The following EML6 variants were observed in gnomAD, a reference collection of about 807,000 sequenced individuals.
EML6 encodes echinoderm microtubule-associated protein-like 6.
In EML6, 154 loss-of-function variants were observed where a neutral mutation model predicts 240.1. The ratio of observed to expected loss-of-function variants is 0.64; its 90% CI spans 0.56 to 0.73. The LOEUF is 0.73. Ranked by LOEUF, EML6 falls within the 30% of genes least tolerant of loss-of-function variation. The pLI is 0.00. For synonymous variants in EML6, 1,148 were observed against 899.0 expected (o/e 1.28, Z -4.95); for missense variants, 2,964 against 2,474.6 (o/e 1.20, Z -4.20).
At chr2:54,780,615 A>G (rs2103848050) in intron 2 of EML6, among the ~76,000 whole-genome samples, 1 of 152,356 alleles carries the variant, frequency 6.6e-6, no homozygotes, top group East Asian at 1.9e-4. Context: ...ATACACCGTT[A>G]TTATGTTAAT....
chr2:54,932,115 C>G (rs763341131), intron 28 of EML6, among the ~76,000 whole-genome samples: 3 of 152,194 alleles, frequency 2.0e-5, no homozygotes, highest in Non-Finnish European at 4.4e-5. Context: ...TCTAATCTTT[C>G]AGAAAATGAG....
chr2:54,889,215 T>A (rs893146042), intron 17 of EML6, among the ~76,000 whole-genome samples: 15 of 152,172 alleles, frequency 9.9e-5, no homozygotes, highest in Admixed American at 3.9e-4. Context: ...ATTGTTTTAA[T>A]ACCTAGGAGA....
intron 5 of EML6, 34 bp from the exon 6 acceptor site, chr2:54,827,532 A>G (rs1163352369): frequency 1.6e-5 from 24 of 1,513,148 alleles, no homozygotes; most frequent in Non-Finnish European, 1.9e-5. Context: ...CGAATACTCT[A>G]TCTTGGAGAT....
intron 17 of EML6, among the ~76,000 whole-genome samples, chr2:54,883,209 G>T (rs1671933337): frequency 6.6e-6 from 1 of 152,062 alleles, no homozygotes; most frequent in Non-Finnish European, 1.5e-5. Flanking sequence ...ATCTTTTAGT[G>T]TGTATTTTTC....
chr2:54,899,698 G>T lies in EML6; in HGVS notation c.3040G>T (p.Ala1014Ser). The T allele has an allele frequency of 6.4e-7, 1 of 1,553,196 alleles. No homozygotes were observed. The highest frequency in any genetic ancestry group is 8.7e-7 in the Non-Finnish European group (1 of 1,147,824). ...LAAHPLLPIC[A>S]TVSDDKTLRI... ...AGCTCACCCTCTCCTGCCCATCTGT[G>T]CAACAGTGAGCGATGATAAAACACT... is the stretch of plus-strand genomic sequence containing the variant. The change falls in exon 22 of 42, where the codon GCA becomes TCA. Residue 1014 changes from alanine to serine, a missense_variant. Physicochemically the swap from Ala to Ser is moderately conservative, Grantham distance 99. Coordinates refer to ENST00000356458, the MANE Select transcript of EML6 (RefSeq NM_001039753.4).
chr2:54,789,450 C>G (rs1669286548), intron 2 of EML6, among the ~76,000 whole-genome samples: 2 of 126,562 alleles, frequency 1.6e-5, no homozygotes, highest in South Asian at 5.4e-4. Context: ...GGAGGCGGAG[C>G]TTGCAGTGAG....
At chr2:54,762,252 A>G (rs1434067599) in intron 2 of EML6, among the ~76,000 whole-genome samples, 1 of 151,892 alleles carries the variant, frequency 6.6e-6, no homozygotes, top group Non-Finnish European at 1.5e-5. Flanking sequence ...ATGTTTCCTC[A>G]TGATCAGCTT....
chr2:54,861,153 T>A (rs1262539131), intron 12 of EML6, among the ~76,000 whole-genome samples: 1 of 152,164 alleles, frequency 6.6e-6, no homozygotes, highest in Non-Finnish European at 1.5e-5. Flanking sequence ...ATAATAGCCT[T>A]CCAGCAGCCA....
At chr2:54,914,636 G>C (rs1350648771) in intron 25 of EML6, among the ~76,000 whole-genome samples, 1 of 152,204 alleles carries the variant, frequency 6.6e-6, no homozygotes, top group Non-Finnish European at 1.5e-5. Context: ...GTTGGTTGCA[G>C]AGTCCTTCCA....
At chr2:54,898,413 T>A (rs1031419778) in intron 21 of EML6, among the ~76,000 whole-genome samples, 3 of 152,080 alleles carry the variant, frequency 2.0e-5, no homozygotes, top group African/African-American at 7.2e-5. Flanking sequence ...TGGGAAGATG[T>A]GAGGTTGACC....
chr2:54,872,345 T>C (rs1218719627), intron 16 of EML6, among the ~76,000 whole-genome samples: 16 of 152,170 alleles, frequency 1.1e-4, no homozygotes, highest in Non-Finnish European at 2.4e-4. Flanking sequence ...GATTTTATAA[T>C]TTTTTTCTAA....
chr2:54,966,893 GC>G (rs1676772840), intron 38 of EML6, 106 bp from the exon 39 acceptor site: 2 of 688,820 alleles, frequency 2.9e-6, no homozygotes, highest in Admixed American at 5.3e-5. Flanking sequence ...TTGGAGAAAA[GC>G]CCTAGGGATG....
chr2:54,888,473 C>T (rs1672276084), intron 17 of EML6, among the ~76,000 whole-genome samples: 1 of 152,180 alleles, frequency 6.6e-6, no homozygotes. Flanking sequence ...AGGAGAGTTT[C>T]ACTGCCCTAA....
chr2:54,922,267 A>G (rs1674294590), intron 26 of EML6, among the ~76,000 whole-genome samples: 1 of 152,258 alleles, frequency 6.6e-6, no homozygotes, highest in Non-Finnish European at 1.5e-5. Context: ...CATTTCTCCA[A>G]AGAAGACATA....
intron 28 of EML6, among the ~76,000 whole-genome samples, chr2:54,942,310 T>C (rs905898680): frequency 6.6e-6 from 1 of 152,226 alleles, no homozygotes; most frequent in African/African-American, 2.4e-5. Context: ...TACTCACTTA[T>C]GGAGATAAAA....
At chr2:54,819,450 A>G (rs1668225200) in intron 4 of EML6, among the ~76,000 whole-genome samples, 1 of 152,158 alleles carries the variant, frequency 6.6e-6, no homozygotes, top group East Asian at 1.9e-4. Context: ...TGGAAATAGA[A>G]CTACGTGCAA....
At chr2:54,781,192 G>T (rs1400318293) in intron 2 of EML6, among the ~76,000 whole-genome samples, 1 of 152,178 alleles carries the variant, frequency 6.6e-6, no homozygotes, top group Non-Finnish European at 1.5e-5. Flanking sequence ...GAAATGGTCA[G>T]TATCTTGCCC....
Position 54,776,132 on chromosome 2 carries a change from T to C in EML6, c.198-37100T>C, listed in dbSNP as rs183550177. 6.6e-5 allele frequency among the ~76,000 whole-genome samples: 10 copies of C among 152,266 alleles called. No homozygotes were observed. In the East Asian group the frequency reaches 1.2e-3, roughly 18 times the overall value. Reference sequence around the variant, plus strand: ...TCAACCTGCCTTATTTTGTTGTTGTTGTTGTTGTGTTTTGTTTTGCCTTAG... The same window carrying C: ...TCAACCTGCCTTATTTTGTTGTTGTCGTTGTTGTGTTTTGTTTTGCCTTAG... On this transcript the variant is annotated intron_variant, in intron 2 of 41. Coordinates refer to ENST00000356458, the MANE Select transcript of EML6 (RefSeq NM_001039753.4).
chr2:54,810,672 G>A lies in EML6; in HGVS notation c.198-2560G>A, dbSNP rs533038143. On this transcript the variant is annotated intron_variant, in intron 2 of 41. Transcript: ENST00000356458. Reference sequence around the variant, plus strand: ...GAACCTCTTGCCTATTGCAGGGGGAGAGGCAATATGGCAGCCAAGATGGTT... The same window carrying A: ...GAACCTCTTGCCTATTGCAGGGGGAAAGGCAATATGGCAGCCAAGATGGTT... 3.9e-5 allele frequency among the ~76,000 whole-genome samples: 6 copies of A among 152,274 alleles called. No individual in the cohort carries two copies. In the East Asian group the frequency reaches 7.7e-4, roughly 20 times the overall value.
Sources: allele counts gnomAD v4.1 joint callset (sites outside exome capture counted in the v4.1 genomes callset), GRCh38; gene constraint gnomAD v4.1.1; transcripts MANE v1.5; gene names NCBI Gene and HGNC (gene_info 2026-07-23, HGNC 2026-07-21).